The following EGFLAM variants were observed in gnomAD, a reference collection of about 807,000 sequenced individuals.
The protein encoded by EGFLAM is pikachurin.
In EGFLAM, 79 loss-of-function variants were observed where a neutral mutation model predicts 113.1. The ratio of observed to expected loss-of-function variants is 0.70; its 90% CI spans 0.58 to 0.84. EGFLAM has a LOEUF of 0.84. EGFLAM is among the 40% of genes least tolerant of loss of function. The pLI, the probability that EGFLAM is intolerant of heterozygous loss-of-function variation, is 0.00. For synonymous variants in EGFLAM, 504 were observed against 487.6 expected (o/e 1.03, Z -0.44); for missense variants, 1,265 against 1,291.6 (o/e 0.98, Z 0.32).
chr5:38,439,444 G>A (rs560366859), intron 17 of EGFLAM, among the ~76,000 whole-genome samples: 16 of 152,022 alleles, frequency 1.1e-4, no homozygotes, highest in African/African-American at 3.4e-4. Flanking sequence ...GAAGGAATGT[G>A]CACTGTCTTT....
intron 21 of EGFLAM, 42 bp downstream of exon 21, chr5:38,463,053 C>T (rs754004623): frequency 6.3e-7 from 1 of 1,580,494 alleles, no homozygotes; most frequent in East Asian, 2.3e-5. Context: ...TAGGCCAGTG[C>T]TTTTCTTGTT....
chr5:38,310,636 A>G (rs1050783995), intron 1 of EGFLAM, among the ~76,000 whole-genome samples: 1 of 151,896 alleles, frequency 6.6e-6, no homozygotes, highest in African/African-American at 2.4e-5. Flanking sequence ...AAAAAAATCA[A>G]TTTTTTTCCC....
intron 12 of EGFLAM, among the ~76,000 whole-genome samples, chr5:38,424,307 C>T (rs940098490): frequency 6.6e-6 from 1 of 152,160 alleles, no homozygotes; most frequent in South Asian, 2.1e-4. Context: ...GATGTTGAGC[C>T]TTTCAGCCTT....
chr5:38,363,073 T>G (rs1034245542), intron 5 of EGFLAM, among the ~76,000 whole-genome samples: 1 of 152,178 alleles, frequency 6.6e-6, no homozygotes, highest in Non-Finnish European at 1.5e-5. Context: ...AATTTGTAAA[T>G]AAAGAAAGAA....
chr5:38,366,922 G>T (rs1259816697), intron 5 of EGFLAM, among the ~76,000 whole-genome samples: 1 of 152,184 alleles, frequency 6.6e-6, no homozygotes, highest in South Asian at 2.1e-4. Context: ...ATGGTAAGTG[G>T]CAAAATGAAC....
At chr5:38,315,357 G>A (rs945630640) in intron 1 of EGFLAM, among the ~76,000 whole-genome samples, 5 of 152,112 alleles carry the variant, frequency 3.3e-5, no homozygotes, top group Non-Finnish European at 5.9e-5. Context: ...TCATGCATAT[G>A]TTTTCTCCTT....
intron 14 of EGFLAM, chr5:38,429,997 C>A: frequency 4.6e-6 from 1 of 219,260 alleles, no homozygotes; most frequent in South Asian, 8.1e-5. Flanking sequence ...AGCAGGGTCT[C>A]TGAAGACATC....
At chr5:38,285,043 T>G (rs574174499) in intron 1 of EGFLAM, among the ~76,000 whole-genome samples, 1 of 152,340 alleles carries the variant, frequency 6.6e-6, no homozygotes, top group East Asian at 1.9e-4. Flanking sequence ...GAAACTCTCT[T>G]GTCGAGTCCA....
rs1459653895 is a variant in EGFLAM at position 38,427,257 on chromosome 5, G to C, written c.2054+5G>C. The C allele has an allele frequency of 6.2e-7, 1 of 1,611,646 alleles. No homozygotes were observed. Among genetic ancestry groups the C allele is most frequent in the Non-Finnish European group, 8.5e-7 (1 of 1,179,036 alleles). ...CTCTGGGACCGGTGTCCTCAGGTGAGGGCTGAAAACTTCTGGGACTCTTTC... is the reference window on the plus strand; with the variant it reads ...CTCTGGGACCGGTGTCCTCAGGTGACGGCTGAAAACTTCTGGGACTCTTTC... On this transcript the variant is annotated splice_donor_5th_base_variant and intron_variant, in intron 14 of 21. Transcript: ENST00000322350.
intron 1 of EGFLAM, among the ~76,000 whole-genome samples, chr5:38,310,508 T>TC (rs1262422574): frequency 5.9e-5 from 9 of 152,186 alleles, no homozygotes; most frequent in African/African-American, 2.2e-4. Context: ...CATATGAAGC[T>TC]ATTCTACCCA....
rs1561111040 is a variant in EGFLAM, at chr5:38,463,890, C to CT, written c.2935dup (p.Cys979LeufsTer141). The CT allele has an allele frequency of 6.2e-7, 1 of 1,614,230 alleles. No homozygotes were observed. The highest frequency in any genetic ancestry group is 8.5e-7 in the Non-Finnish European group (1 of 1,180,046). On this transcript the variant is annotated frameshift_variant, in exon 22 of 22. Transcript: ENST00000322350. LOFTEE classifies it high-confidence loss of function. Reference sequence around the variant, plus strand: ...GGCAATATATGAGAGGGCTCGTGGGCTGTATCTCTCACTTCACCCTGTCCA... The same window carrying CT: ...GGCAATATATGAGAGGGCTCGTGGGCTTGTATCTCTCACTTCACCCTGTCCA...
chr5:38,396,167 C>T (rs1740957532), intron 6 of EGFLAM, among the ~76,000 whole-genome samples: 2 of 152,164 alleles, frequency 1.3e-5, no homozygotes, highest in East Asian at 1.9e-4. Context: ...ATAATGTTGT[C>T]CCATAAACAT....
intron 6 of EGFLAM, among the ~76,000 whole-genome samples, chr5:38,379,270 G>C (rs1359556358): frequency 1.3e-5 from 2 of 152,092 alleles, no homozygotes; most frequent in Non-Finnish European, 2.9e-5. Context: ...ATTAAGAGGA[G>C]AAAAGGTACA....
chr5:38,336,699 G>A (rs908706911), intron 1 of EGFLAM, among the ~76,000 whole-genome samples: 2 of 151,890 alleles, frequency 1.3e-5, no homozygotes, highest in African/African-American at 4.8e-5. Flanking sequence ...TGACGCTCAA[G>A]GGAACTGCCC....
At chr5:38,433,776 A>G (rs1250522817) in intron 15 of EGFLAM, among the ~76,000 whole-genome samples, 1 of 152,182 alleles carries the variant, frequency 6.6e-6, no homozygotes, top group African/African-American at 2.4e-5. Flanking sequence ...ACAGTTCCTG[A>G]CTGGTTCAGT....
chr5:38,308,392 G>A (rs926433693), intron 1 of EGFLAM, among the ~76,000 whole-genome samples: 8 of 152,072 alleles, frequency 5.3e-5, no homozygotes, highest in Admixed American at 3.9e-4. Flanking sequence ...GAGACCCTCC[G>A]CATGCTGAAG....
intron 12 of EGFLAM, among the ~76,000 whole-genome samples, chr5:38,423,388 T>C (rs1273091384): frequency 3.3e-5 from 5 of 152,210 alleles, no homozygotes. Context: ...GTTGAAATGC[T>C]GCTTTCACCA....
intron 15 of EGFLAM, among the ~76,000 whole-genome samples, chr5:38,432,653 C>A (rs964285528): frequency 6.6e-6 from 1 of 152,198 alleles, no homozygotes; most frequent in Non-Finnish European, 1.5e-5. Flanking sequence ...TGTCTGTTGG[C>A]TTAATGATAT....
At chr5:38,309,599 C>T (rs1758811033) in intron 1 of EGFLAM, among the ~76,000 whole-genome samples, 1 of 152,184 alleles carries the variant, frequency 6.6e-6, no homozygotes, top group South Asian at 2.1e-4. Flanking sequence ...CCACAACCAT[C>T]AGCTGTGTGT....
Sources: allele counts gnomAD v4.1 joint callset (sites outside exome capture counted in the v4.1 genomes callset), GRCh38; gene constraint gnomAD v4.1.1; transcripts MANE v1.5; gene names NCBI Gene and HGNC (gene_info 2026-07-23, HGNC 2026-07-21).